The following IKZF1 variants were observed in gnomAD, a reference collection of about 807,000 sequenced individuals.
The protein encoded by IKZF1 is DNA-binding protein Ikaros.
In IKZF1, 10 loss-of-function variants were observed where a neutral mutation model predicts 51.7. The ratio of observed to expected loss-of-function variants is 0.19; its 90% CI spans 0.12 to 0.33. The LOEUF (loss-of-function observed/expected upper bound fraction) is 0.33, where lower values mean the gene tolerates loss of function less well. IKZF1 is among the 10% of genes least tolerant of loss of function. The pLI is 1.00. For missense variants in IKZF1, 484 were observed against 707.5 expected, an observed-to-expected ratio of 0.68 and a Z score of 3.58; for synonymous variants, 280 against 282.3, an observed-to-expected ratio of 0.99 and a Z score of 0.08.
At position 50,400,596 on chromosome 7, in the gene IKZF1, C is replaced by T. The variant is rs971487743; in HGVS notation, c.1529C>T (p.Thr510Met). Residue 510 changes from threonine to methionine, a missense_variant, in exon 8 of 8, where the codon ACG (threonine) becomes ATG (methionine). Coordinates refer to ENST00000331340, the MANE Select transcript of IKZF1 (RefSeq NM_006060.6). This position sits in a 1 kb window ranked among gnomAD's most constrained non-coding sequence, Gnocchi z 5.4. Reference sequence around the variant, plus strand: ...CGGTACGAGTTCTCGTCGCACATAACGCGAGGGGAGCACCGCTTCCACATG... The same window carrying T: ...CGGTACGAGTTCTCGTCGCACATAATGCGAGGGGAGCACCGCTTCCACATG... ...QDRYEFSSHITRGEHRFHMS is the reference protein window; with the variant it reads ...QDRYEFSSHIMRGEHRFHMS 6.2e-7 allele frequency: 1 copy of T among 1,612,150 alleles called. No homozygotes were observed. Among genetic ancestry groups the T allele is most frequent in the Non-Finnish European group, 8.5e-7 (1 of 1,179,858 alleles).
intron 3 of IKZF1, among the ~76,000 whole-genome samples, chr7:50,340,285 A>C (rs1798772651): frequency 6.6e-6 from 1 of 152,334 alleles, no homozygotes; most frequent in Middle Eastern, 3.4e-3. Flanking sequence ...TCTCAGAGAG[A>C]CAGGTCTAGG....
At chr7:50,387,860 A>T (rs1230427127) in intron 6 of IKZF1, among the ~76,000 whole-genome samples, 1 of 152,214 alleles carries the variant, frequency 6.6e-6, no homozygotes, top group Non-Finnish European at 1.5e-5. Flanking sequence ...GTTTTGAAAC[A>T]ATTTTTTAAC....
At position 50,323,338 on chromosome 7, in the gene IKZF1, A is replaced by G. The variant is rs1793936249; in HGVS notation, c.40+4237A>G. On this transcript the variant is annotated intron_variant, in intron 2 of 7. Coordinates refer to ENST00000331340, the MANE Select transcript of IKZF1 (RefSeq NM_006060.6). ...AGTGGAAGCTTCTCCACTACTTTAT[A>G]GAGTTGAGATTCTATATTTTGAGCT... Among the ~76,000 whole-genome samples, 6 of 152,190 alleles carry G rather than the reference A, an allele frequency of 3.9e-5. No individual in the cohort carries two copies. In the South Asian group the frequency reaches 1.0e-3, roughly 26 times the overall value.
intron 3 of IKZF1, among the ~76,000 whole-genome samples, chr7:50,337,103 C>T (rs1352661957): frequency 1.3e-5 from 2 of 151,888 alleles, no homozygotes; most frequent in Non-Finnish European, 2.9e-5. Context: ...CAAAACCAAC[C>T]ATGTGAGAGG....
rs1809542820 is a variant in IKZF1, at chr7:50,374,137, C to T, written c.161-2396C>T. Among the ~76,000 whole-genome samples, 2 of 152,220 alleles carry T rather than the reference C, an allele frequency of 1.3e-5. 1 individual carries two copies. Among genetic ancestry groups the T allele is most frequent in the South Asian group, 4.1e-4 (2 of 4,826 alleles). Reference sequence around the variant, plus strand: ...CCAGTTAATTCATTTCATTATTCATCTGTAAGTCATTTCCCTAAAGAGCTA... The same window carrying T: ...CCAGTTAATTCATTTCATTATTCATTTGTAAGTCATTTCCCTAAAGAGCTA... On this transcript the variant is annotated intron_variant, in intron 3 of 7. Coordinates refer to ENST00000331340, the MANE Select transcript of IKZF1 (RefSeq NM_006060.6).
intron 1 of IKZF1, among the ~76,000 whole-genome samples, chr7:50,311,309 G>T (rs1043963509): frequency 2.0e-5 from 3 of 152,178 alleles, no homozygotes; most frequent in African/African-American, 7.2e-5. Flanking sequence ...GTGCAACAAT[G>T]AATCCCCTAA....
chr7:50,351,866 C>T (rs542116886), intron 3 of IKZF1, among the ~76,000 whole-genome samples: 14 of 152,226 alleles, frequency 9.2e-5, no homozygotes, highest in Non-Finnish European at 1.5e-4. Flanking sequence ...CAATTCCCCC[C>T]CGCCCCCATG....
At chr7:50,383,195 G>T (rs1392675746) in intron 5 of IKZF1, among the ~76,000 whole-genome samples, 1 of 152,156 alleles carries the variant, frequency 6.6e-6, no homozygotes, top group Non-Finnish European at 1.5e-5. Flanking sequence ...CCCAGACTGA[G>T]CCCCGTGTGG....
At chr7:50,357,248 G>T (rs1803696025) in intron 3 of IKZF1, among the ~76,000 whole-genome samples, 1 of 152,006 alleles carries the variant, frequency 6.6e-6, no homozygotes, top group African/African-American at 2.4e-5. Flanking sequence ...AGTTCCTGTT[G>T]CCTGGGGACT....
At chr7:50,338,478 C>T (rs1798295909) in intron 3 of IKZF1, among the ~76,000 whole-genome samples, 2 of 152,256 alleles carry the variant, frequency 1.3e-5, no homozygotes, top group African/African-American at 4.8e-5. Context: ...CGTTAACTTT[C>T]CTTCTACATG....
At chr7:50,357,469 T>C (rs1803801261) in intron 3 of IKZF1, among the ~76,000 whole-genome samples, 1 of 150,844 alleles carries the variant, frequency 6.6e-6, no homozygotes. Context: ...ACAACCCCCC[T>C]GCCACCCCTC....
rs544562679 is a variant in IKZF1, at chr7:50,401,884, G to A, written c.*1257G>A. 8.0e-5 allele frequency: 18 copies of A among 226,202 alleles called. No homozygotes were observed. Among genetic ancestry groups the A allele is most frequent in the African/African-American group, 3.6e-4 (16 of 45,040 alleles). The allele number at this position is 226,202 out of a possible 1,614,324, so 14.0% of individuals were successfully genotyped here. A position where few individuals can be genotyped will look rare whatever the true frequency, so the allele number is the denominator to read the frequency against. On this transcript the variant is annotated 3_prime_UTR_variant, in exon 8 of 8. Coordinates refer to ENST00000331340, the MANE Select transcript of IKZF1 (RefSeq NM_006060.6). ...TTCAAACATGTTGAAGCTCTTTACT[G>A]TAAAGGCAAGCCAGCATGTGTGTCC...
At position 50,376,341 on chromosome 7, in the gene IKZF1, C is replaced by T. The variant is rs942346067; in HGVS notation, c.161-192C>T. On this transcript the variant is annotated intron_variant, in intron 3 of 7. Coordinates refer to ENST00000331340, the MANE Select transcript of IKZF1 (RefSeq NM_006060.6). The surrounding 1 kb of genome is among the most constrained non-coding windows in gnomAD (Gnocchi z 4.5). ...TCTCCCTGTAACCCCAGGTGCATCC[C>T]GAGGCCTGCCACCGAAGCCCACTCA... Among the ~76,000 whole-genome samples, 3 of 152,184 alleles carry T rather than the reference C, an allele frequency of 2.0e-5. No individual in the cohort carries two copies. Among genetic ancestry groups the T allele is most frequent in the African/African-American group, 7.2e-5 (3 of 41,426 alleles).
chr7:50,331,364 G>A (rs1011908069), intron 3 of IKZF1, among the ~76,000 whole-genome samples: 2 of 151,242 alleles, frequency 1.3e-5, no homozygotes, highest in East Asian at 3.9e-4. Flanking sequence ...GGTGCTGGCC[G>A]CCACCTGACT....
intron 3 of IKZF1, among the ~76,000 whole-genome samples, chr7:50,362,823 A>C (rs1805655688): frequency 6.6e-6 from 1 of 152,142 alleles, no homozygotes; most frequent in Non-Finnish European, 1.5e-5. Flanking sequence ...GGCAATGAGC[A>C]GGTTGATTGA....
At chr7:50,327,878 A>G in intron 3 of IKZF1, 121 bp downstream of exon 3, 2 of 1,139,794 alleles carry the variant, frequency 1.8e-6, no homozygotes. Flanking sequence ...TGGCATATTA[A>G]AGAAATATGG....
chr7:50,355,429 G>A (rs964067341), intron 3 of IKZF1, among the ~76,000 whole-genome samples: 8 of 152,178 alleles, frequency 5.3e-5, no homozygotes, highest in African/African-American at 9.7e-5. Flanking sequence ...AGGCCTGGCC[G>A]CCGGATGGGA....
intron 5 of IKZF1, among the ~76,000 whole-genome samples, chr7:50,386,806 A>G (rs1284007967): frequency 6.6e-6 from 1 of 152,288 alleles, no homozygotes; most frequent in East Asian, 1.9e-4. Flanking sequence ...TAAAACGCTT[A>G]TTTCATTCAA....
At position 50,391,883 on chromosome 7, in the gene IKZF1, T is replaced by C. The variant is rs1302147981; in HGVS notation, c.850+20T>C. ...TTCTTGGTAAGAGTTAAATGTTTGC[T>C]GTCTCTTAAAAAAAAACTATGTGGG... is the stretch of plus-strand genomic sequence containing the variant. On this transcript the variant is annotated intron_variant, in intron 7 of 7. Transcript: ENST00000331340. 1 of 1,600,074 alleles carries C rather than the reference T, an allele frequency of 6.2e-7. No individual in the cohort carries two copies. Among genetic ancestry groups the C allele is most frequent in the Non-Finnish European group, 8.5e-7 (1 of 1,172,248 alleles).
Sources: allele counts gnomAD v4.1 joint callset (sites outside exome capture counted in the v4.1 genomes callset), GRCh38; gene constraint gnomAD v4.1.1; non-coding constraint Gnocchi (gnomAD v3.1); transcripts MANE v1.5; gene names NCBI Gene and HGNC (gene_info 2026-07-23, HGNC 2026-07-21).